CD247: variants seen among roughly 807,000 people sequenced by gnomAD.
CD247 encodes the protein CD247 molecule, also known as T-cell surface glycoprotein CD3 zeta chain.
In CD247, 13 loss-of-function variants were observed where a neutral mutation model predicts 30.0. The observed-to-expected ratio is 0.43, with a 90% CI of 0.28 to 0.69. CD247 has a LOEUF of 0.69. Ranked by LOEUF, CD247 falls within the 30% of genes least tolerant of loss-of-function variation. The probability of loss-of-function intolerance (pLI) is 0.16; values close to 1 mark genes in which losing one functional copy is unlikely to be tolerated. For synonymous variants in CD247, 72 were observed against 80.0 expected, an observed-to-expected ratio of 0.90 and a Z score of 0.53; for missense variants, 193 against 212.6, an observed-to-expected ratio of 0.91 and a Z score of 0.57.
chr1:167,487,450 T>C (rs1452743242), intron 1 of CD247, among the ~76,000 whole-genome samples: 1 of 152,132 alleles, frequency 6.6e-6, no homozygotes, highest in Non-Finnish European at 1.5e-5. Flanking sequence ...TGATGCCCCT[T>C]CCTCCAGGTG....
At chr1:167,454,268 T>A (rs1209998586) in intron 1 of CD247, among the ~76,000 whole-genome samples, 1 of 152,266 alleles carries the variant, frequency 6.6e-6, no homozygotes, top group African/African-American at 2.4e-5. Context: ...CATCCACGGT[T>A]ACTTCTGCAG....
chr1:167,499,035 CA>C (rs1009007378), intron 1 of CD247, among the ~76,000 whole-genome samples: 1 of 152,184 alleles, frequency 6.6e-6, no homozygotes, highest in African/African-American at 2.4e-5. Context: ...ACCTAATGAG[CA>C]AAATAAAGTC....
chr1:167,507,059 G>A (rs1012473369), intron 1 of CD247, among the ~76,000 whole-genome samples: 1 of 151,800 alleles, frequency 6.6e-6, no homozygotes, highest in Admixed American at 6.6e-5. Flanking sequence ...ACCATGCCCA[G>A]CTAATTTTGT....
At chr1:167,478,338 C>T (rs943700534) in intron 1 of CD247, among the ~76,000 whole-genome samples, 3 of 152,176 alleles carry the variant, frequency 2.0e-5, no homozygotes, top group African/African-American at 4.8e-5. Flanking sequence ...TGCCTGAGTA[C>T]CTAACATGGC....
chr1:167,447,633 G>A (rs76811180), intron 1 of CD247, among the ~76,000 whole-genome samples: 7,679 of 152,124 alleles, frequency 0.05, 662 homozygotes, highest in African/African-American at 0.18. Context: ...TGCAATCCAA[G>A]TCCTGGTGTT....
At chr1:167,438,493 G>A (rs901977666) in intron 4 of CD247, 77 bp downstream of exon 4, 1 of 1,156,108 alleles carries the variant, frequency 8.6e-7, no homozygotes, top group Admixed American at 1.7e-5. Flanking sequence ...AGAGTGAGCT[G>A]AGGAGCCCTC....
At chr1:167,466,257 A>C (rs1301868800) in intron 1 of CD247, among the ~76,000 whole-genome samples, 1 of 152,196 alleles carries the variant, frequency 6.6e-6, no homozygotes, top group Admixed American at 6.5e-5. Context: ...AAACAAATGC[A>C]CAAACAGAAG....
At position 167,494,561 on chromosome 1, in the gene CD247, G is replaced by C. The variant is rs1654600893; in HGVS notation, c.58+23847C>G. On this transcript the variant is annotated intron_variant, in intron 1 of 7. Transcript: ENST00000362089. This position sits in a 1 kb window ranked among gnomAD's most constrained non-coding sequence, Gnocchi z 7.3. ...GAGGGTCAGATGAGAAAATGGGTGG[G>C]GAGGTAATAATTAGTGAACAGCACC... Among the ~76,000 whole-genome samples the C allele has an allele frequency of 6.6e-6, 1 of 152,138 alleles. No individual in the cohort carries two copies. The highest frequency in any genetic ancestry group is 6.5e-5 in the Admixed American group (1 of 15,288).
chr1:167,445,364 G>A (rs1652032009), intron 1 of CD247, among the ~76,000 whole-genome samples: 1 of 152,094 alleles, frequency 6.6e-6, no homozygotes, highest in East Asian at 1.9e-4. Flanking sequence ...ACGATAAGTT[G>A]GAACCTTCCT....
At chr1:167,481,285 T>A (rs1160173475) in intron 1 of CD247, among the ~76,000 whole-genome samples, 1 of 152,152 alleles carries the variant, frequency 6.6e-6, no homozygotes, top group Non-Finnish European at 1.5e-5. Context: ...AGACTCCCTC[T>A]CAAAAACAAA....
At chr1:167,505,938 T>C (rs1166552201) in intron 1 of CD247, among the ~76,000 whole-genome samples, 1 of 152,164 alleles carries the variant, frequency 6.6e-6, no homozygotes, top group Non-Finnish European at 1.5e-5. Context: ...GAAGTGCCAT[T>C]TACTTATAAC....
intron 1 of CD247, among the ~76,000 whole-genome samples, chr1:167,513,522 G>A (rs1269253939): frequency 6.6e-6 from 1 of 152,060 alleles, no homozygotes; most frequent in South Asian, 2.1e-4. Flanking sequence ...TTAGTAACCT[G>A]GATCAAACCA....
At chr1:167,488,672 G>A (rs542031777) in intron 1 of CD247, among the ~76,000 whole-genome samples, 41 of 152,300 alleles carry the variant, frequency 2.7e-4, no homozygotes, top group African/African-American at 9.6e-4. Context: ...TACACAGATG[G>A]GCCTAGGAGA....
chr1:167,451,353 G>T (rs998401652), intron 1 of CD247, among the ~76,000 whole-genome samples: 3 of 152,184 alleles, frequency 2.0e-5, no homozygotes, highest in East Asian at 1.9e-4. Flanking sequence ...ACAAGGCAAG[G>T]TTCACAGTTG....
At chr1:167,496,089 C>T (rs1654678477) in intron 1 of CD247, among the ~76,000 whole-genome samples, 1 of 152,182 alleles carries the variant, frequency 6.6e-6, no homozygotes, top group Non-Finnish European at 1.5e-5. Context: ...AGCACCTAGA[C>T]TGTTCCTGCT....
intron 1 of CD247, among the ~76,000 whole-genome samples, chr1:167,506,539 T>A (rs990001541): frequency 6.6e-6 from 1 of 151,702 alleles, no homozygotes; most frequent in African/African-American, 2.4e-5. Flanking sequence ...CTCTTTTTTA[T>A]TTTTTTTGTA....
intron 1 of CD247, among the ~76,000 whole-genome samples, chr1:167,468,902 T>C (rs1360112676): frequency 6.6e-6 from 1 of 151,836 alleles, no homozygotes; most frequent in East Asian, 1.9e-4. Context: ...CTCTCTTTCC[T>C]TCCAAGCAGG....
chr1:167,492,048 T>C (rs1220462047), intron 1 of CD247, among the ~76,000 whole-genome samples: 4 of 152,038 alleles, frequency 2.6e-5, no homozygotes, highest in Admixed American at 2.6e-4. Context: ...AGACGGATGG[T>C]GGTGATGGTT....
At chr1:167,507,852 C>G (rs1418836437) in intron 1 of CD247, among the ~76,000 whole-genome samples, 1 of 151,490 alleles carries the variant, frequency 6.6e-6, no homozygotes, top group African/African-American at 2.4e-5. Context: ...AAAAAAATCC[C>G]TAAATAGCAA....
Sources: gnomAD v4.1 joint callset for allele counts (sites outside exome capture counted in the v4.1 genomes callset) on GRCh38, gnomAD v4.1.1 for gene constraint, Gnocchi (gnomAD v3.1) non-coding constraint, MANE v1.5 for transcripts, NCBI Gene and HGNC (gene_info 2026-07-23, HGNC 2026-07-21) for gene names.